Variants in VPS9D1 observed in about 807,000 individuals in gnomAD.
VPS9D1 encodes the protein VPS9 domain containing 1.
Under a neutral mutation model 75.8 loss-of-function variants are expected in VPS9D1, and 78 were observed. The ratio of observed to expected loss-of-function variants is 1.03; its 90% CI spans 0.86 to 1.24. VPS9D1 has a LOEUF of 1.24. Ranked by LOEUF, VPS9D1 falls within the 50% of genes most tolerant of loss-of-function variation. VPS9D1 has a pLI of 0.00. For missense variants in VPS9D1, 1,057 were observed against 847.7 expected, an observed-to-expected ratio of 1.25 and a Z score of -3.07; for synonymous variants, 481 against 385.6, an observed-to-expected ratio of 1.25 and a Z score of -2.90.
intron 2 of VPS9D1, chr16:89,718,296 T>C: frequency 2.8e-6 from 1 of 352,256 alleles, no homozygotes; most frequent in South Asian, 2.1e-5. Flanking sequence ...CCATCCTCAG[T>C]CCTCACCTGA....
chr16:89,716,960 GC>G (rs1360881772), intron 2 of VPS9D1, 138 bp from the exon 3 acceptor site: 49 of 551,816 alleles, frequency 8.9e-5, no homozygotes, highest in South Asian at 2.0e-4. Flanking sequence ...CAAGCCCACT[GC>G]CCCCCCATCC....
intron 4 of VPS9D1, among the ~76,000 whole-genome samples, chr16:89,714,147 A>T (rs960415929): frequency 6.6e-6 from 1 of 152,080 alleles, no homozygotes; most frequent in Admixed American, 6.6e-5. Flanking sequence ...CATGTTGGCC[A>T]GGCTGATCTC....
intron 6 of VPS9D1, 82 bp downstream of exon 6, chr16:89,712,378 C>T (rs2060952891): frequency 1.9e-6 from 3 of 1,586,418 alleles, no homozygotes; most frequent in African/African-American, 2.7e-5. Flanking sequence ...CTCCGCTCCC[C>T]TCGCTGCCCC....
chr16:89,709,274 C>A lies in VPS9D1; in HGVS notation c.1550G>T (p.Gly517Val), dbSNP rs753763452. The A allele has an allele frequency of 1.2e-6, 2 of 1,611,362 alleles. No individual in the cohort carries two copies. Among genetic ancestry groups the A allele is most frequent in the Non-Finnish European group, 1.7e-6 (2 of 1,179,748 alleles). The change falls in exon 12 of 15, where the codon GGA becomes GTA. Residue 517 changes from glycine (G) to valine (V), a missense_variant. Transcript: ENST00000389386. ...YPYCAAAQEL[G>V]LLVLESCPQK... ...GGGGCAGCTCTCCAGGACCAGCAGTCCGAGCTCCTGGGCCGCCGCGCAGTA... is the reference window on the plus strand; with the variant it reads ...GGGGCAGCTCTCCAGGACCAGCAGTACGAGCTCCTGGGCCGCCGCGCAGTA...
At chr16:89,717,746 C>T (rs746418311) in intron 2 of VPS9D1, 53 of 456,718 alleles carry the variant, frequency 1.2e-4, no homozygotes, top group Middle Eastern at 6.5e-4. Context: ...TGCCACTCCT[C>T]CACCCAACTC....
intron 2 of VPS9D1, among the ~76,000 whole-genome samples, chr16:89,718,351 T>C (rs1338104646): frequency 6.6e-6 from 1 of 152,158 alleles, no homozygotes; most frequent in Non-Finnish European, 1.5e-5. Flanking sequence ...TCAAAGTCTC[T>C]TCAAGTTTCC....
At chr16:89,711,771 T>TGCCCCCCACAGCCTCTGGCTCC in intron 8 of VPS9D1, 111 bp downstream of exon 8, 1 of 1,149,074 alleles carries the variant, frequency 8.7e-7, no homozygotes, top group African/African-American at 1.7e-5. Flanking sequence ...GCCCCCTCAC[T>TGCCCCCCACAGCCTCTGGCTCC]GCCCCCCACA....
intron 12 of VPS9D1, 112 bp from the exon 13 acceptor site, chr16:89,709,068 C>T (rs964584104): frequency 2.1e-5 from 22 of 1,067,000 alleles, no homozygotes; most frequent in East Asian, 5.2e-5. Context: ...GGAAGAGCCA[C>T]GGTGACCCTG....
At position 89,712,659 on chromosome 16, in the gene VPS9D1, A is replaced by T. The variant is rs997649335; in HGVS notation, c.489T>A (p.Tyr163Ter). ...GGTCTAGCCGCGCCATTCGGGCCTC[A>T]TACGCAGCCTTCAGCTTCTGATTCT... The part of the protein sequence containing the change: ...SLQNQKLKAA[Y>*]EARMARLDPS... The change falls in exon 5 of 15, where the codon TAT becomes TAA. Residue 163 changes from tyrosine (Y) to a stop codon, truncating the protein, a stop_gained. Transcript: ENST00000389386. LOFTEE classifies it high-confidence loss of function. 6.2e-7 allele frequency: 1 copy of T among 1,612,242 alleles called. No individual in the cohort carries two copies. The highest frequency in any genetic ancestry group is 1.7e-5 in the Admixed American group (1 of 59,842).
At chr16:89,718,955 T>TCC (rs2061162268) in intron 2 of VPS9D1, 72 bp downstream of exon 2, 1 of 1,347,504 alleles carries the variant, frequency 7.4e-7, no homozygotes, top group African/African-American at 1.4e-5. Context: ...CCTCAGGTGA[T>TCC]AGCCCGCCTC....
In VPS9D1 at chr16:89,708,514, A is replaced by T; in HGVS notation, c.1715T>A (p.Leu572Gln). 6.2e-7 allele frequency: 1 copy of T among 1,613,090 alleles called. No individual in the cohort carries two copies. The highest frequency in any genetic ancestry group is 1.3e-5 in the African/African-American group (1 of 75,080). The change falls in exon 14 of 15, where the codon CTG becomes CAG. Residue 572 changes from leucine to glutamine, a missense_variant. Coordinates refer to ENST00000389386, the MANE Select transcript of VPS9D1 (RefSeq NM_004913.3). ...CAGCACCACGAAGGACAGGATGGGCAGCAGGTCATCGGCACCACTGTCGGG... is the reference window on the plus strand; with the variant it reads ...CAGCACCACGAAGGACAGGATGGGCTGCAGGTCATCGGCACCACTGTCGGG... ...AAAAIGADDL[L>Q]PILSFVVLRS...
intron 10 of VPS9D1, 22 bp downstream of exon 10, chr16:89,710,564 C>A: frequency 1.3e-6 from 2 of 1,572,954 alleles, no homozygotes; most frequent in South Asian, 2.3e-5. Flanking sequence ...CGGCGGCTCT[C>A]CCAGGGAGGG....
Position 89,720,817 on chromosome 16 carries a change from G to T in VPS9D1, c.45C>A (p.Ser15Arg). 6.9e-7 allele frequency: 1 copy of T among 1,455,498 alleles called. No homozygotes were observed. The allele number at this position is 1,455,498 out of a possible 1,614,324, so 90.2% of individuals were successfully genotyped here. Residue 15 changes from serine (S) to arginine (R), a missense_variant, in exon 1 of 15, where the codon AGC (serine) becomes AGA (arginine). By Grantham distance (110) the Ser-to-Arg change is moderately radical. Coordinates refer to ENST00000389386, the MANE Select transcript of VPS9D1 (RefSeq NM_004913.3). Reference protein sequence around the residue: ...AGDGTVKPLQSAMKLANGAIE... With the variant: ...AGDGTVKPLQRAMKLANGAIE... Reference sequence around the variant, plus strand: ...TGGCCCCGTTGGCAAGCTTCATGGCGCTCTGCAGCGGCTTCACCGTGCCGT... The same window carrying T: ...TGGCCCCGTTGGCAAGCTTCATGGCTCTCTGCAGCGGCTTCACCGTGCCGT...
chr16:89,709,930 G>A (rs548327940), intron 10 of VPS9D1, 24 bp from the exon 11 acceptor site: 13 of 1,578,730 alleles, frequency 8.2e-6, no homozygotes, highest in South Asian at 4.7e-5. Flanking sequence ...AGCCGGGGAC[G>A]TCCACAGAGG....
chr16:89,711,362 C>T lies in VPS9D1; in HGVS notation c.798G>A (p.Leu266=), dbSNP rs1429281773. 1.2e-6 allele frequency: 2 copies of T among 1,611,036 alleles called. No individual in the cohort carries two copies. Among genetic ancestry groups the T allele is most frequent in the Non-Finnish European group, 1.7e-6 (2 of 1,178,708 alleles). The change falls in exon 9 of 15, where the codon CTG becomes CTA. Residue 266 remains leucine (L), a synonymous_variant. Transcript: ENST00000389386. ...GTGAGACCAGGCTGGTCACGAGTGA[C>T]AGGTCCCCCGGATTCCTCTTGAGCT... ...KAKLKRNPGD[L]SLVTSLVSHL...
At chr16:89,715,889 C>G (rs1220552776) in intron 4 of VPS9D1, among the ~76,000 whole-genome samples, 1 of 151,486 alleles carries the variant, frequency 6.6e-6, no homozygotes, top group African/African-American at 2.4e-5. Flanking sequence ...GTTGGCCAGG[C>G]TGGTCAGGAA....
In VPS9D1 at chr16:89,708,455, C is replaced by A; in HGVS notation, c.1774G>T (p.Ala592Ser). Reference sequence around the variant, plus strand: ...TCGTGGATGAACTCCTCCAGGGCCGCGCACTCCGACACCAGCTGAGGGAGG... The same window carrying A: ...TCGTGGATGAACTCCTCCAGGGCCGAGCACTCCGACACCAGCTGAGGGAGG... Reference protein sequence around the residue: ...SGLPQLVSECAALEEFIHEGY... With the variant: ...SGLPQLVSECSALEEFIHEGY... Residue 592 changes from alanine (A) to serine (S), a missense_variant, in exon 14 of 15, where the codon GCG becomes TCG. Transcript: ENST00000389386. The A allele has an allele frequency of 6.2e-7, 1 of 1,612,772 alleles. No individual in the cohort carries two copies. The highest frequency in any genetic ancestry group is 8.5e-7 in the Non-Finnish European group (1 of 1,179,832).
intron 14 of VPS9D1, 118 bp downstream of exon 14, chr16:89,708,309 G>T: frequency 1.0e-6 from 1 of 996,774 alleles, no homozygotes; most frequent in Non-Finnish European, 1.5e-6. Flanking sequence ...CGAAGGCATG[G>T]CTGTGACGGA....
chr16:89,715,924 G>A (rs989538534), intron 4 of VPS9D1, among the ~76,000 whole-genome samples: 6 of 150,518 alleles, frequency 4.0e-5, no homozygotes, highest in South Asian at 2.1e-4. Context: ...TGATCTGCTC[G>A]CCTCGGCCTC....
Sources: allele counts gnomAD v4.1 joint callset (sites outside exome capture counted in the v4.1 genomes callset), GRCh38; gene constraint gnomAD v4.1.1; transcripts MANE v1.5; gene names NCBI Gene and HGNC (gene_info 2026-07-23, HGNC 2026-07-21).